The following CALHM4 variants were observed in gnomAD, a reference collection of about 807,000 sequenced individuals.
The protein encoded by CALHM4 is calcium homeostasis modulator family member 4, also known as calcium homeostasis modulator protein 4.
Under a neutral mutation model 13.3 loss-of-function variants are expected in CALHM4, and 16 were observed. That is an observed-to-expected ratio of 1.20 (90% CI 0.81 to 1.82). CALHM4 has a LOEUF of 1.82. CALHM4 is among the 40% of genes most tolerant of loss of function. The probability of loss-of-function intolerance (pLI) is 0.00; values close to 1 mark genes in which losing one functional copy is unlikely to be tolerated. For missense variants in CALHM4, 344 were observed against 374.9 expected, an observed-to-expected ratio of 0.92 and a Z score of 0.68; for synonymous variants, 127 against 137.1, an observed-to-expected ratio of 0.93 and a Z score of 0.52.
At chr6:116,544,788 C>T (rs527352034) in intron 2 of CALHM4, among the ~76,000 whole-genome samples, 156 of 152,178 alleles carry the variant, frequency 1.0e-3, no homozygotes, top group African/African-American at 3.7e-3. Context: ...CAATTCTAAA[C>T]ACCAAGTCTG....
At chr6:116,532,250 TTC>T (rs996941509) in intron 1 of CALHM4, among the ~76,000 whole-genome samples, 13 of 151,140 alleles carry the variant, frequency 8.6e-5, no homozygotes, top group African/African-American at 2.9e-4. Context: ...TTCTAGTATT[TTC>T]TCTCTTTTTT....
Sources: allele counts gnomAD v4.1 joint callset (sites outside exome capture counted in the v4.1 genomes callset), GRCh38; gene constraint gnomAD v4.1.1; transcripts MANE v1.5; gene names NCBI Gene and HGNC (gene_info 2026-07-23, HGNC 2026-07-21).